The following KITLG variants were observed in gnomAD, a reference collection of about 807,000 sequenced individuals.
KITLG encodes KIT ligand, also known as c-Kit ligand.
Under a neutral mutation model 34.1 loss-of-function variants are expected in KITLG, and 13 were observed. The observed-to-expected ratio is 0.38, with a 90% CI of 0.25 to 0.61. The LOEUF is 0.61. Among genes scored for constraint, KITLG ranks in the 20% least tolerant of loss-of-function variants. The pLI, the probability that KITLG is intolerant of heterozygous loss-of-function variation, is 0.60. For missense variants in KITLG, 292 were observed against 318.9 expected (o/e 0.92, Z 0.64); for synonymous variants, 110 against 104.0 (o/e 1.06, Z -0.35).
chr12:88,570,164 G>A (rs1358851332), intron 1 of KITLG, among the ~76,000 whole-genome samples: 1 of 152,096 alleles, frequency 6.6e-6, no homozygotes, highest in Non-Finnish European at 1.5e-5. Flanking sequence ...TGCCAACAAA[G>A]TACCACTTTA....
At chr12:88,513,325 T>A (rs1461528573) in intron 6 of KITLG, among the ~76,000 whole-genome samples, 1 of 148,338 alleles carries the variant, frequency 6.7e-6, no homozygotes, top group Non-Finnish European at 1.5e-5. Context: ...AGAAAAAAAA[T>A]AATTAACCAA....
At chr12:88,520,126 A>C (rs1217540042) in intron 3 of KITLG, among the ~76,000 whole-genome samples, 1 of 152,178 alleles carries the variant, frequency 6.6e-6, no homozygotes, top group Admixed American at 6.6e-5. Flanking sequence ...AACAAATCTC[A>C]ACATGGGAAT....
At chr12:88,563,991 G>A (rs971511627) in intron 1 of KITLG, among the ~76,000 whole-genome samples, 3 of 151,866 alleles carry the variant, frequency 2.0e-5, no homozygotes, top group Non-Finnish European at 4.4e-5. Context: ...AAAGGATGTA[G>A]GACACAGTAA....
At chr12:88,497,612 A>C (rs2120776880) in intron 9 of KITLG, among the ~76,000 whole-genome samples, 1 of 152,314 alleles carries the variant, frequency 6.6e-6, no homozygotes, top group Admixed American at 6.5e-5. Flanking sequence ...CAACTTAGTT[A>C]GCTTTGAATT....
At chr12:88,524,357 A>T (rs1592846015) in intron 3 of KITLG, among the ~76,000 whole-genome samples, 2 of 152,294 alleles carry the variant, frequency 1.3e-5, no homozygotes, top group East Asian at 3.9e-4. Context: ...CTATCTTCTC[A>T]ATGGTAAATT....
At chr12:88,507,451 A>T (rs1488863496) in intron 6 of KITLG, among the ~76,000 whole-genome samples, 1 of 152,208 alleles carries the variant, frequency 6.6e-6, no homozygotes, top group African/African-American at 2.4e-5. Context: ...ACTATCAAGC[A>T]AATCTATCTC....
rs774449490 is a variant in KITLG at position 88,580,288 on chromosome 12, C to T, written c.-10G>A. On this transcript the variant is annotated 5_prime_UTR_variant, in exon 1 of 10. Coordinates refer to ENST00000644744, the MANE Select transcript of KITLG (RefSeq NM_000899.5). ...CTTGTGTCTTCTTCATAAGGAAAGG[C>T]AGCGCTGCGATCCAGCACAAACAGT... 2 of 1,611,006 alleles carry T rather than the reference C, an allele frequency of 1.2e-6. No individual in the cohort carries two copies. The highest frequency in any genetic ancestry group is 1.3e-5 in the African/African-American group (1 of 74,896).
intron 1 of KITLG, among the ~76,000 whole-genome samples, chr12:88,562,161 A>T (rs1032206478): frequency 6.6e-6 from 1 of 152,144 alleles, no homozygotes; most frequent in African/African-American, 2.4e-5. Flanking sequence ...ATAATCCTCC[A>T]TATTTGTGGA....
chr12:88,512,846 G>T (rs1869325636), intron 6 of KITLG, among the ~76,000 whole-genome samples: 1 of 151,524 alleles, frequency 6.6e-6, no homozygotes, highest in Non-Finnish European at 1.5e-5. Flanking sequence ...CAATTAAAAA[G>T]AAAAAAGAAT....
intron 1 of KITLG, among the ~76,000 whole-genome samples, chr12:88,558,892 G>A (rs1871191897): frequency 6.6e-6 from 1 of 152,118 alleles, no homozygotes; most frequent in Non-Finnish European, 1.5e-5. Context: ...TTTGATTGAA[G>A]GGCTACATAC....
chr12:88,551,359 C>T (rs7954414), intron 1 of KITLG, among the ~76,000 whole-genome samples: 101,970 of 152,040 alleles, frequency 0.67, 37,349 homozygotes, highest in Middle Eastern at 0.87. Context: ...AAAAAAGAAA[C>T]TTTTCAGTAT....
intron 6 of KITLG, among the ~76,000 whole-genome samples, chr12:88,513,886 A>C (rs1318579333): frequency 6.6e-6 from 1 of 151,728 alleles, no homozygotes; most frequent in African/African-American, 2.4e-5. Context: ...AAGGAAGGGA[A>C]GATATAAACA....
In KITLG at chr12:88,496,648, A is replaced by G. The variant is rs1160076665; in HGVS notation, c.*571T>C. 1.2e-4 allele frequency: 19 copies of G among 152,636 alleles called. No individual in the cohort carries two copies. Among genetic ancestry groups the G allele is most frequent in the Admixed American group, 1.2e-3 (19 of 15,272 alleles). The allele number at this position is 152,636 out of a possible 1,614,324, so 9.5% of individuals were successfully genotyped here. On this transcript the variant is annotated 3_prime_UTR_variant, in exon 10 of 10. Coordinates refer to ENST00000644744, the MANE Select transcript of KITLG (RefSeq NM_000899.5). ...AATCAGACCCATATCACTAATCGGC[A>G]ACTATAAAGCTGACATGTTGCCAAA...
intron 3 of KITLG, among the ~76,000 whole-genome samples, chr12:88,529,252 G>GT (rs1351884527): frequency 2.0e-5 from 3 of 152,166 alleles, no homozygotes; most frequent in Non-Finnish European, 4.4e-5. Flanking sequence ...ATGAAGGTGT[G>GT]TGGCAACAAT....
intron 2 of KITLG, among the ~76,000 whole-genome samples, chr12:88,539,379 G>A (rs1333268159): frequency 2.0e-5 from 3 of 151,988 alleles, no homozygotes; most frequent in Non-Finnish European, 4.4e-5. Flanking sequence ...ACCTAGCAAA[G>A]TTTAATAATC....
intron 6 of KITLG, among the ~76,000 whole-genome samples, chr12:88,508,634 C>T (rs1869158491): frequency 6.6e-6 from 1 of 151,572 alleles, no homozygotes; most frequent in South Asian, 2.1e-4. Flanking sequence ...GTGATCCCCA[C>T]GTAGGGAGTT....
chr12:88,513,786 A>G (rs4284478), intron 6 of KITLG, among the ~76,000 whole-genome samples: 102,724 of 151,296 alleles, frequency 0.68, 38,022 homozygotes, highest in Middle Eastern at 0.86. Flanking sequence ...CCCAAAACCA[A>G]ATGGAAAATC....
rs772546062 is a variant in KITLG at position 88,506,364 on chromosome 12, A to T, written c.729T>A (p.Ser243Arg). 2.5e-6 allele frequency: 4 copies of T among 1,607,118 alleles called. No homozygotes were observed. The highest frequency in any genetic ancestry group is 3.4e-6 in the Non-Finnish European group (4 of 1,173,656). Reference protein sequence around the residue: ...GALYWKKRQPSLTRAVENIQI... With the variant: ...GALYWKKRQPRLTRAVENIQI... ...GTATATTTTCAACTGCCCTTGTAAG[A>T]CTTGGCTGTCTCTTCTGGAAAAAGA... Residue 243 changes from serine to arginine, a missense_variant, in exon 8 of 10, where the codon AGT (serine) becomes AGA (arginine). Transcript: ENST00000644744.
At chr12:88,545,176 C>T (rs562586700) in intron 2 of KITLG, among the ~76,000 whole-genome samples, 3 of 152,248 alleles carry the variant, frequency 2.0e-5, no homozygotes, top group African/African-American at 7.2e-5. Flanking sequence ...GGAAGCAATG[C>T]AAATGCTTTC....
Sources: gnomAD v4.1 joint callset for allele counts (sites outside exome capture counted in the v4.1 genomes callset) on GRCh38, gnomAD v4.1.1 for gene constraint, MANE v1.5 for transcripts, NCBI Gene and HGNC (gene_info 2026-07-23, HGNC 2026-07-21) for gene names.